PRKG1: variants seen among roughly 807,000 people sequenced by gnomAD.
PRKG1 encodes cGMP-dependent protein kinase 1.
PRKG1 carries 35 observed loss-of-function variants against 88.1 expected under a neutral mutation model. That is an observed-to-expected ratio of 0.40 (90% CI 0.30 to 0.53). PRKG1 has a LOEUF of 0.53. Ranked by LOEUF, PRKG1 falls within the 20% of genes least tolerant of loss-of-function variation. The pLI, the probability that PRKG1 is intolerant of heterozygous loss-of-function variation, is 0.59. For missense variants in PRKG1, 540 were observed against 839.8 expected, an observed-to-expected ratio of 0.64 and a Z score of 4.41; for synonymous variants, 303 against 292.5, an observed-to-expected ratio of 1.04 and a Z score of -0.37.
chr10:51,338,974 T>C (rs935000098), intron 2 of PRKG1, among the ~76,000 whole-genome samples: 1 of 152,170 alleles, frequency 6.6e-6, no homozygotes, highest in Non-Finnish European at 1.5e-5. Context: ...TAATAGGCCA[T>C]GTTTGGAAAG....
At chr10:51,976,970 TG>T (rs774763856) in intron 5 of PRKG1, among the ~76,000 whole-genome samples, 12 of 152,052 alleles carry the variant, frequency 7.9e-5, no homozygotes, top group Non-Finnish European at 1.2e-4. Context: ...TACAATGCTT[TG>T]TTTTTTTACT....
At chr10:51,064,822 A>C (rs1843730283) in intron 1 of PRKG1, among the ~76,000 whole-genome samples, 1 of 152,004 alleles carries the variant, frequency 6.6e-6, no homozygotes, top group Admixed American at 6.6e-5. Context: ...TTTCATATTC[A>C]ATTGATTGTG....
intron 4 of PRKG1, among the ~76,000 whole-genome samples, chr10:51,905,431 A>G (rs1226745651): frequency 6.6e-6 from 1 of 152,174 alleles, no homozygotes; most frequent in Non-Finnish European, 1.5e-5. Flanking sequence ...TATCATTGTA[A>G]TCAAGCCAAA....
chr10:51,208,188 T>C (rs540748135), intron 2 of PRKG1, among the ~76,000 whole-genome samples: 1 of 152,364 alleles, frequency 6.6e-6, no homozygotes, highest in Non-Finnish European at 1.5e-5. Context: ...ACTCCACTGG[T>C]AGAAAAATAA....
At chr10:51,494,853 A>G (rs1840808378) in intron 3 of PRKG1, among the ~76,000 whole-genome samples, 1 of 152,098 alleles carries the variant, frequency 6.6e-6, no homozygotes, top group South Asian at 2.1e-4. Flanking sequence ...TGTTCATTTT[A>G]TTATGCTATT....
intron 3 of PRKG1, among the ~76,000 whole-genome samples, chr10:51,636,395 A>G (rs61851498): frequency 0.042 from 6,433 of 152,310 alleles, 194 homozygotes; most frequent in Non-Finnish European, 0.068. Flanking sequence ...TATGCATCAT[A>G]TAATTGGTTA....
chr10:52,145,598 C>T (rs1336926171), intron 8 of PRKG1, among the ~76,000 whole-genome samples: 2 of 152,100 alleles, frequency 1.3e-5, no homozygotes, highest in Admixed American at 6.6e-5. Context: ...CTGACAGAAG[C>T]TTAGCAATCA....
chr10:51,592,060 G>T (rs1010947875), intron 3 of PRKG1, among the ~76,000 whole-genome samples: 7 of 152,114 alleles, frequency 4.6e-5, no homozygotes, highest in Non-Finnish European at 1.0e-4. Flanking sequence ...TTTCCAGAAG[G>T]ACACTCTGCA....
At position 51,759,406 on chromosome 10, in the gene PRKG1, A is replaced by G. The variant is rs1471072233; in HGVS notation, c.593-45179A>G. Among the ~76,000 whole-genome samples, 7 of 152,096 alleles carry G rather than the reference A, an allele frequency of 4.6e-5. No homozygotes were observed. In the East Asian group the frequency reaches 1.4e-3, roughly 30 times the overall value. The stretch of plus-strand genomic sequence containing the variant: ...CTCAGCCTCCCAAGTAGCTGGGACT[A>G]CAGGCATGCACCACCACACCTGGCT... On this transcript the variant is annotated intron_variant, in intron 3 of 17. Coordinates refer to ENST00000373980, the MANE Select transcript of PRKG1 (RefSeq NM_006258.4).
At chr10:51,455,366 T>G (rs1291106074) in intron 2 of PRKG1, among the ~76,000 whole-genome samples, 2 of 152,240 alleles carry the variant, frequency 1.3e-5, no homozygotes, top group Non-Finnish European at 2.9e-5. Flanking sequence ...ATTGTTTTGG[T>G]GATTAACATT....
intron 5 of PRKG1, among the ~76,000 whole-genome samples, chr10:52,048,277 C>T (rs578254533): frequency 1.3e-5 from 2 of 151,922 alleles, no homozygotes; most frequent in South Asian, 2.1e-4. Flanking sequence ...TTAAGCATAA[C>T]TCCAAACTTA....
intron 7 of PRKG1, among the ~76,000 whole-genome samples, chr10:52,092,250 T>C (rs961629157): frequency 6.6e-6 from 1 of 152,170 alleles, no homozygotes; most frequent in Non-Finnish European, 1.5e-5. Flanking sequence ...TCTTCAGATT[T>C]GCTCCAGCCT....
intron 5 of PRKG1, among the ~76,000 whole-genome samples, chr10:51,930,952 G>C (rs1029873535): frequency 1.3e-5 from 2 of 152,086 alleles, no homozygotes; most frequent in Non-Finnish European, 2.9e-5. Context: ...GACTCTGTAA[G>C]AATTGACAGT....
At chr10:51,317,283 A>G (rs975319697) in intron 2 of PRKG1, among the ~76,000 whole-genome samples, 5 of 152,204 alleles carry the variant, frequency 3.3e-5, no homozygotes, top group African/African-American at 9.7e-5. Flanking sequence ...CCTACATACT[A>G]TAGATATTTT....
At chr10:51,504,027 C>G (rs565074061) in intron 3 of PRKG1, among the ~76,000 whole-genome samples, 1 of 152,204 alleles carries the variant, frequency 6.6e-6, no homozygotes, top group South Asian at 2.1e-4. Flanking sequence ...ATTACAGATT[C>G]TTTCTTTAGC....
chr10:51,642,361 G>T (rs557584494), intron 3 of PRKG1, among the ~76,000 whole-genome samples: 3 of 152,288 alleles, frequency 2.0e-5, no homozygotes, highest in Non-Finnish European at 2.9e-5. Flanking sequence ...CTGCACTCCA[G>T]GCTGGTTGAC....
chr10:51,390,254 G>T (rs1181049208), intron 2 of PRKG1, among the ~76,000 whole-genome samples: 3 of 152,152 alleles, frequency 2.0e-5, no homozygotes, highest in Non-Finnish European at 4.4e-5. Context: ...ACTGGGTGAG[G>T]CTCTTGGCAG....
chr10:51,194,103 T>TC (rs1242728595), intron 2 of PRKG1, among the ~76,000 whole-genome samples: 6 of 152,164 alleles, frequency 3.9e-5, no homozygotes, highest in African/African-American at 1.4e-4. Context: ...TATCACTTTT[T>TC]CTCATATTTC....
At chr10:52,097,445 CTG>C (rs1217687334) in intron 7 of PRKG1, among the ~76,000 whole-genome samples, 1 of 151,948 alleles carries the variant, frequency 6.6e-6, no homozygotes. Context: ...AATGAAATTA[CTG>C]TGTTAATATT....
Sources: gnomAD v4.1 joint callset for allele counts (sites outside exome capture counted in the v4.1 genomes callset) on GRCh38, gnomAD v4.1.1 for gene constraint, MANE v1.5 for transcripts, NCBI Gene and HGNC (gene_info 2026-07-23, HGNC 2026-07-21) for gene names.